The following CLPX variants were observed in gnomAD, a reference collection of about 807,000 sequenced individuals.
CLPX encodes the protein ATP-dependent clpX-like chaperone, mitochondrial.
In CLPX, 34 loss-of-function variants were observed where a neutral mutation model predicts 76.4. The ratio of observed to expected loss-of-function variants is 0.45; its 90% CI spans 0.34 to 0.59. CLPX has a LOEUF of 0.59. Ranked by LOEUF, CLPX falls within the 20% of genes least tolerant of loss-of-function variation. The pLI, the probability that CLPX is intolerant of heterozygous loss-of-function variation, is 0.01. For missense variants in CLPX, 613 were observed against 757.0 expected (o/e 0.81, Z 2.23); for synonymous variants, 248 against 270.9 (o/e 0.92, Z 0.83).
intron 11 of CLPX, chr15:65,154,571 T>C: frequency 3.9e-6 from 2 of 516,060 alleles, no homozygotes; most frequent in Admixed American, 3.5e-5. Context: ...CTTTAGGCTA[T>C]AATGATGGTT....
chr15:65,163,242 C>T (rs115085561), intron 5 of CLPX, among the ~76,000 whole-genome samples: 204 of 152,128 alleles, frequency 1.3e-3, no homozygotes, highest in African/African-American at 4.6e-3. Flanking sequence ...CCAAGTCATC[C>T]GTTAGTTATG....
At position 65,185,131 on chromosome 15, in the gene CLPX, G is replaced by A; in HGVS notation, c.23C>T (p.Thr8Ile). ...GAGCCGGACGGCCGCCGCGCCGCAA[G>A]TACAAGCACCGCAGCTGGGCATCTC... MPSCGACTCGAAAVRLIT... is the reference protein window; with the variant it reads MPSCGACICGAAAVRLIT... The change falls in exon 1 of 14, where the codon ACT (threonine) becomes ATT (isoleucine). Residue 8 changes from threonine (T) to isoleucine (I), a missense_variant. Physicochemically the swap from Thr to Ile is moderately conservative, Grantham distance 89 (BLOSUM62 -1). Around this residue, in one of 2 missense-constraint regions of CLPX, gnomAD observed 163 missense variants for 118.4 expected, o/e 1.38. Transcript: ENST00000300107. 1.3e-6 allele frequency: 2 copies of A among 1,576,986 alleles called. No homozygotes were observed. The highest frequency in any genetic ancestry group is 1.3e-5 in the African/African-American group (1 of 74,690).
Position 65,178,922 on chromosome 15 carries a change from T to A in CLPX, c.358+12A>T. The A allele has an allele frequency of 7.1e-7, 1 of 1,410,028 alleles. No homozygotes were observed. Among genetic ancestry groups the A allele is most frequent in the Middle Eastern group, 1.8e-4 (1 of 5,544 alleles). The allele number at this position is 1,410,028 out of a possible 1,614,324, so 87.3% of individuals were successfully genotyped here. Reference sequence around the variant, plus strand: ...GTAGGGAAAAAAGAACAGTAGAAGATGTAATACTTACATACAAAGGTCTCT... The same window carrying A: ...GTAGGGAAAAAAGAACAGTAGAAGAAGTAATACTTACATACAAAGGTCTCT... On this transcript the variant is annotated intron_variant, in intron 3 of 13. Transcript: ENST00000300107.
In CLPX at chr15:65,148,530, T is replaced by C. The variant is rs1247876275; in HGVS notation, c.*2293A>G. On this transcript the variant is annotated 3_prime_UTR_variant, in exon 14 of 14. Transcript: ENST00000300107. ...TAGGGAGACCAAGGAGAGGTGTTTCTGTTCCATACTATAGCAACCAGCCTT... is the reference window on the plus strand; with the variant it reads ...TAGGGAGACCAAGGAGAGGTGTTTCCGTTCCATACTATAGCAACCAGCCTT... The C allele has an allele frequency of 6.6e-6, 1 of 152,222 alleles. No individual in the cohort carries two copies. The highest frequency in any genetic ancestry group is 1.5e-5 in the Non-Finnish European group (1 of 68,038). The allele number at this position is 152,222 out of a possible 1,614,324, so 9.4% of individuals were successfully genotyped here. A position where few individuals can be genotyped will look rare whatever the true frequency, so the allele number is the denominator to read the frequency against.
At chr15:65,184,702 C>T (rs751822435) in intron 1 of CLPX, among the ~76,000 whole-genome samples, 9 of 152,246 alleles carry the variant, frequency 5.9e-5, no homozygotes, top group Non-Finnish European at 8.8e-5. Context: ...GGAAGAAGAG[C>T]CGCAGCCATG....
chr15:65,149,416 A>G lies in CLPX; in HGVS notation c.*1407T>C. 1 of 256,962 alleles carries G rather than the reference A, an allele frequency of 3.9e-6. No homozygotes were observed. Among genetic ancestry groups the G allele is most frequent in the Non-Finnish European group, 7.8e-6 (1 of 128,876 alleles). The allele number at this position is 256,962 out of a possible 1,614,324, so 15.9% of individuals were successfully genotyped here. On this transcript the variant is annotated 3_prime_UTR_variant, in exon 14 of 14. Transcript: ENST00000300107. ...CTTGAACCTGGGACTCAGAGGTTGC[A>G]GTGAGCCAAGATTGTGGCACTGTAC...
At chr15:65,169,210 T>C (rs2087963467) in intron 3 of CLPX, among the ~76,000 whole-genome samples, 1 of 151,990 alleles carries the variant, frequency 6.6e-6, no homozygotes, top group South Asian at 2.1e-4. Context: ...CGCCTCGGCC[T>C]CCCAAAGTGC....
Position 65,185,194 on chromosome 15 carries a change from T to C in CLPX, c.-41A>G, listed in dbSNP as rs200576064. ...GCCGGGGCTTCGCCCCCTGAGGACC[T>C]CCGGGTCACAGCGGCGTGAATCCTG... On this transcript the variant is annotated 5_prime_UTR_variant, in exon 1 of 14. Coordinates refer to ENST00000300107, the MANE Select transcript of CLPX (RefSeq NM_006660.5). 2.7e-6 allele frequency: 4 copies of C among 1,506,428 alleles called. No individual in the cohort carries two copies. Among genetic ancestry groups the C allele is most frequent in the East Asian group, 2.4e-5 (1 of 40,952 alleles). The allele number at this position is 1,506,428 out of a possible 1,614,324, so 93.3% of individuals were successfully genotyped here.
intron 13 of CLPX, among the ~76,000 whole-genome samples, chr15:65,152,150 T>C (rs1595935359): frequency 6.6e-6 from 1 of 151,984 alleles, no homozygotes; most frequent in African/African-American, 2.4e-5. Context: ...GGATGGTCTC[T>C]ATCTCTTGAC....
intron 1 of CLPX, among the ~76,000 whole-genome samples, 159 bp downstream of exon 1, chr15:65,184,916 T>A (rs2088234146): frequency 6.6e-6 from 1 of 152,222 alleles, no homozygotes; most frequent in South Asian, 2.1e-4. Context: ...CAGAGCCCCA[T>A]TCCACGGGGA....
At position 65,150,784 on chromosome 15, in the gene CLPX, G is replaced by T; in HGVS notation, c.*39C>A. On this transcript the variant is annotated 3_prime_UTR_variant, in exon 14 of 14. Transcript: ENST00000300107. ...GAGACAATTATGATCCTAAACAAAA[G>T]AAGGAAAAGCTGTATATACAAGACA... is the stretch of plus-strand genomic sequence containing the variant. 7.2e-7 allele frequency: 1 copy of T among 1,391,388 alleles called. No individual in the cohort carries two copies. The highest frequency in any genetic ancestry group is 1.0e-6 in the Non-Finnish European group (1 of 989,126). The allele number at this position is 1,391,388 out of a possible 1,614,324, so 86.2% of individuals were successfully genotyped here. A position where few individuals can be genotyped will look rare whatever the true frequency, so the allele number is the denominator to read the frequency against.
At chr15:65,177,244 T>C (rs2088102755) in intron 3 of CLPX, among the ~76,000 whole-genome samples, 1 of 152,086 alleles carries the variant, frequency 6.6e-6, no homozygotes, top group African/African-American at 2.4e-5. Context: ...AATTTTTGTA[T>C]TTTTAGTAGA....
In CLPX at chr15:65,150,821, G is replaced by T; in HGVS notation, c.*2C>A. The T allele has an allele frequency of 6.2e-7, 1 of 1,603,156 alleles. No individual in the cohort carries two copies. Among genetic ancestry groups the T allele is most frequent in the Non-Finnish European group, 8.5e-7 (1 of 1,170,568 alleles). On this transcript the variant is annotated 3_prime_UTR_variant, in exon 14 of 14. Transcript: ENST00000300107. ...GTATATACAAGACAGCAATATGACAGTTTAGCTGTTTGCAGCATCTGCTTG... is the reference window on the plus strand; with the variant it reads ...GTATATACAAGACAGCAATATGACATTTTAGCTGTTTGCAGCATCTGCTTG...
rs1490678952 is a variant in CLPX at position 65,152,552 on chromosome 15, G to T, written c.1705-16C>A. 7.2e-7 allele frequency: 1 copy of T among 1,388,946 alleles called. No individual in the cohort carries two copies. Among genetic ancestry groups the T allele is most frequent in the Non-Finnish European group, 9.7e-7 (1 of 1,026,918 alleles). The allele number at this position is 1,388,946 out of a possible 1,614,324, so 86.0% of individuals were successfully genotyped here. A position where few individuals can be genotyped will look rare whatever the true frequency, so the allele number is the denominator to read the frequency against. ...ACAGCTTTTCCTAAAGAAATAAAAAGTAATGAATCACATTGAAAACAGATT... is the reference window on the plus strand; with the variant it reads ...ACAGCTTTTCCTAAAGAAATAAAAATTAATGAATCACATTGAAAACAGATT... On this transcript the variant is annotated splice_polypyrimidine_tract_variant and intron_variant, in intron 12 of 13. Transcript: ENST00000300107.
intron 3 of CLPX, among the ~76,000 whole-genome samples, chr15:65,170,681 C>T (rs1038362172): frequency 2.6e-5 from 4 of 151,970 alleles, no homozygotes; most frequent in African/African-American, 9.7e-5. Context: ...AGGAGAATCC[C>T]TTGATGGTTA....
intron 3 of CLPX, among the ~76,000 whole-genome samples, chr15:65,167,827 G>A (rs760407834): frequency 5.3e-5 from 8 of 151,880 alleles, no homozygotes; most frequent in Non-Finnish European, 8.8e-5. Context: ...GGTGGAGGTT[G>A]CAGTGAGCTG....
At position 65,164,685 on chromosome 15, in the gene CLPX, G is replaced by T. The variant is rs76114560; in HGVS notation, c.514-497C>A. On this transcript the variant is annotated intron_variant, in intron 4 of 13. Transcript: ENST00000300107. ...ATACTATCAGTATCTATGTGTTTTA[G>T]TAAATTTAATTTTTTCTCAGACATT... Among the ~76,000 whole-genome samples the T allele has an allele frequency of 6.6e-5, 10 of 152,180 alleles. No individual in the cohort carries two copies. The East Asian group carries it at 1.9e-3, about 29-fold the overall frequency.
chr15:65,185,023 TCCACC>T, intron 1 of CLPX, 47 bp downstream of exon 1: 1 of 1,445,930 alleles, frequency 6.9e-7, no homozygotes, highest in Non-Finnish European at 9.5e-7. Context: ...CATTGGCCAG[TCCACC>T]CCCCCCCCGA....
In CLPX at chr15:65,154,963, C is replaced by T. The variant is rs751694766; in HGVS notation, c.1430G>A (p.Arg477Gln). The stretch of plus-strand genomic sequence containing the variant: ...TCTGGCTTCCACATGACGCAATAAC[C>T]GATCTTTTTCTTCAATGTCTTGGTG... ...NTHQDIEEKD[R>Q]LLRHVEARDL... Residue 477 changes from arginine to glutamine, a missense_variant, in exon 11 of 14, where the codon CGG becomes CAG. Arg to Gln is a conservative substitution (Grantham distance 43, BLOSUM62 1). Coordinates refer to ENST00000300107, the MANE Select transcript of CLPX (RefSeq NM_006660.5). 2.1e-5 allele frequency: 34 copies of T among 1,614,012 alleles called. No homozygotes were observed. The highest frequency in any genetic ancestry group is 3.3e-5 in the South Asian group (3 of 91,080).
Sources: allele counts gnomAD v4.1 joint callset (sites outside exome capture counted in the v4.1 genomes callset), GRCh38; gene constraint gnomAD v4.1.1; regional missense constraint gnomAD v4.1.1; transcripts MANE v1.5; gene names NCBI Gene and HGNC (gene_info 2026-07-23, HGNC 2026-07-21).